Variants in MIPEP observed in about 807,000 individuals in gnomAD.
MIPEP encodes mitochondrial intermediate peptidase.
In MIPEP, 79 loss-of-function variants were observed where a neutral mutation model predicts 90.3. The observed-to-expected ratio is 0.87, with a 90% CI of 0.73 to 1.05. MIPEP has a LOEUF of 1.05. Ranked by LOEUF, MIPEP falls within the 50% of genes least tolerant of loss-of-function variation. The pLI, the probability that MIPEP is intolerant of heterozygous loss-of-function variation, is 0.00. For missense variants in MIPEP, 940 were observed against 905.6 expected, an observed-to-expected ratio of 1.04 and a Z score of -0.49; for synonymous variants, 334 against 315.8, an observed-to-expected ratio of 1.06 and a Z score of -0.61.
At chr13:23,780,227 A>C (rs1952765538) in intron 16 of MIPEP, among the ~76,000 whole-genome samples, 1 of 152,218 alleles carries the variant, frequency 6.6e-6, no homozygotes, top group South Asian at 2.1e-4. Context: ...CTGACACCTC[A>C]CACGGCCGGG....
chr13:23,794,842 T>C (rs1952939318), intron 16 of MIPEP, among the ~76,000 whole-genome samples: 1 of 152,164 alleles, frequency 6.6e-6, no homozygotes, highest in Non-Finnish European at 1.5e-5. Context: ...TTTTAGAAAA[T>C]GAGTCAATCA....
At chr13:23,862,624 G>T (rs1870355596) in intron 8 of MIPEP, among the ~76,000 whole-genome samples, 2 of 152,132 alleles carry the variant, frequency 1.3e-5, no homozygotes, top group African/African-American at 4.8e-5. Context: ...GGAAAAACTA[G>T]CAATGTCATT....
At chr13:23,798,088 T>C (rs2137385972) in intron 16 of MIPEP, among the ~76,000 whole-genome samples, 1 of 152,346 alleles carries the variant, frequency 6.6e-6, no homozygotes, top group South Asian at 2.1e-4. Flanking sequence ...AATAAAAAGA[T>C]AACACATACA....
chr13:23,806,876 G>A (rs1039695953), intron 15 of MIPEP, among the ~76,000 whole-genome samples: 1 of 151,902 alleles, frequency 6.6e-6, no homozygotes, highest in Non-Finnish European at 1.5e-5. Context: ...GAAATGAAAC[G>A]GTCAGAATTC....
rs546189590 is a variant in MIPEP, at chr13:23,880,293, T to A, written c.453-939A>T. Among the ~76,000 whole-genome samples the A allele has an allele frequency of 1.1e-4, 17 of 152,124 alleles. No homozygotes were observed. The East Asian group carries it at 3.3e-3, about 29-fold the overall frequency. On this transcript the variant is annotated intron_variant, in intron 3 of 18. Transcript: ENST00000382172. ...GAAGGGCCAGACTCCCACACACGGATCCCAGAAGTCAGGGAGAGAGTGAGT... is the reference window on the plus strand; with the variant it reads ...GAAGGGCCAGACTCCCACACACGGAACCCAGAAGTCAGGGAGAGAGTGAGT...
In MIPEP at chr13:23,784,091, C is replaced by G. The variant is rs563348215; in HGVS notation, c.1848+21859G>C. ...TGCCCTATTTATAGGTAATGCCATC[C>G]CCATCAAGCTACCAATGACTTTCTT... On this transcript the variant is annotated intron_variant, in intron 16 of 18. Coordinates refer to ENST00000382172, the MANE Select transcript of MIPEP (RefSeq NM_005932.4). 3.3e-4 allele frequency among the ~76,000 whole-genome samples: 50 copies of G among 152,120 alleles called. No homozygotes were observed. In the South Asian group the frequency reaches 5.6e-3, roughly 17 times the overall value.
chr13:23,776,182 A>G (rs764730801), intron 16 of MIPEP, among the ~76,000 whole-genome samples: 13 of 151,968 alleles, frequency 8.6e-5, no homozygotes, highest in Non-Finnish European at 1.6e-4. Flanking sequence ...TCAAACCTCT[A>G]AGGCCTCCCT....
At chr13:23,747,638 C>T (rs1053528245) in intron 18 of MIPEP, 14 of 437,884 alleles carry the variant, frequency 3.2e-5, no homozygotes, top group South Asian at 1.3e-4. Flanking sequence ...AAGAACTTCA[C>T]GAAAATATTT....
intron 18 of MIPEP, 45 bp downstream of exon 18, chr13:23,756,499 TA>T: frequency 6.4e-7 from 1 of 1,564,892 alleles, no homozygotes; most frequent in Non-Finnish European, 8.8e-7. Flanking sequence ...GGAGAAAACA[TA>T]AATCAGCTTT....
At chr13:23,760,874 ACTAT>A (rs1362966777) in intron 16 of MIPEP, among the ~76,000 whole-genome samples, 3 of 152,182 alleles carry the variant, frequency 2.0e-5, no homozygotes, top group African/African-American at 7.2e-5. Context: ...ATTTCACATG[ACTAT>A]CTACAAAAAC....
At chr13:23,776,972 A>C (rs1209480810) in intron 16 of MIPEP, among the ~76,000 whole-genome samples, 2 of 152,244 alleles carry the variant, frequency 1.3e-5, no homozygotes, top group African/African-American at 4.8e-5. Flanking sequence ...AATAGATCAT[A>C]ATGTAAAATG....
chr13:23,773,902 T>A (rs1038187151), intron 16 of MIPEP, among the ~76,000 whole-genome samples: 11 of 152,216 alleles, frequency 7.2e-5, no homozygotes, highest in African/African-American at 2.7e-4. Context: ...TTTGAACTCA[T>A]TAAAATTAAA....
intron 16 of MIPEP, among the ~76,000 whole-genome samples, chr13:23,773,252 G>T (rs1952672868): frequency 6.6e-6 from 1 of 152,144 alleles, no homozygotes; most frequent in African/African-American, 2.4e-5. Context: ...TGTCTAGTTT[G>T]TCGCACCGAG....
intron 16 of MIPEP, among the ~76,000 whole-genome samples, chr13:23,784,241 T>C (rs1227044448): frequency 6.6e-6 from 1 of 152,092 alleles, no homozygotes; most frequent in East Asian, 1.9e-4. Flanking sequence ...CAAACTATAC[T>C]ACAAGGCTAC....
intron 10 of MIPEP, among the ~76,000 whole-genome samples, chr13:23,857,387 C>A (rs1273160449): frequency 6.6e-6 from 1 of 152,094 alleles, no homozygotes; most frequent in African/African-American, 2.4e-5. Context: ...GGCAACACAG[C>A]AAGAACCTAT....
chr13:23,766,235 T>C (rs1176931247), intron 16 of MIPEP: 2 of 152,194 alleles, frequency 1.3e-5, no homozygotes, highest in Non-Finnish European at 2.9e-5. Context: ...TGGTACCACA[T>C]CTCCAGGTCT....
chr13:23,873,396 C>T (rs1180545671), intron 5 of MIPEP, among the ~76,000 whole-genome samples: 1 of 152,170 alleles, frequency 6.6e-6, no homozygotes, highest in Non-Finnish European at 1.5e-5. Flanking sequence ...GGAAGACTGA[C>T]CAGCAGGATG....
intron 10 of MIPEP, among the ~76,000 whole-genome samples, chr13:23,856,199 G>A (rs988541831): frequency 1.3e-5 from 2 of 152,212 alleles, no homozygotes; most frequent in Non-Finnish European, 1.5e-5. Flanking sequence ...CAAGGCTAGT[G>A]CAGACTCAGC....
chr13:23,800,404 A>C (rs1953020976), intron 16 of MIPEP, among the ~76,000 whole-genome samples: 1 of 152,256 alleles, frequency 6.6e-6, no homozygotes, highest in Non-Finnish European at 1.5e-5. Flanking sequence ...GAGAAGAGAC[A>C]GTCATGAATA....
Sources: allele counts gnomAD v4.1 joint callset (sites outside exome capture counted in the v4.1 genomes callset), GRCh38; gene constraint gnomAD v4.1.1; transcripts MANE v1.5; gene names NCBI Gene and HGNC (gene_info 2026-07-23, HGNC 2026-07-21).